The following GRB10 variants were observed in gnomAD, a reference collection of about 807,000 sequenced individuals.
GRB10 encodes growth factor receptor bound protein 10, also known as growth factor receptor-bound protein 10.
GRB10 carries 20 observed loss-of-function variants against 80.9 expected under a neutral mutation model. That is an observed-to-expected ratio of 0.25 (90% CI 0.17 to 0.36). The LOEUF (loss-of-function observed/expected upper bound fraction) is 0.36, where lower values mean the gene tolerates loss of function less well. Among genes scored for constraint, GRB10 ranks in the 10% least tolerant of loss-of-function variants. GRB10 has a pLI of 1.00. For missense variants in GRB10, 548 were observed against 747.7 expected, an observed-to-expected ratio of 0.73 and a Z score of 3.12; for synonymous variants, 291 against 291.5, an observed-to-expected ratio of 1.00 and a Z score of 0.02.
chr7:50,783,722 C>A (rs551792944), upstream of GRB10, among the ~76,000 whole-genome samples: 1 of 152,298 alleles, frequency 6.6e-6, no homozygotes, highest in South Asian at 2.1e-4. Context: ...TTGTAGACAG[C>A]AGTAAGAACC....
At chr7:50,751,264 A>G (rs1254598650) in intron 3 of GRB10, among the ~76,000 whole-genome samples, 1 of 152,206 alleles carries the variant, frequency 6.6e-6, no homozygotes, top group Admixed American at 6.5e-5. Flanking sequence ...AAGGAAGGAC[A>G]CTGCTTTCCT....
chr7:50,618,054 C>T lies in GRB10; in HGVS notation c.846+17G>A. On this transcript the variant is annotated intron_variant, in intron 10 of 18. Transcript: ENST00000401949. The stretch of plus-strand genomic sequence containing the variant: ...TCAGAAAGTCTATTTCAGCAGAGAT[C>T]TATTGTGGCCCAGTACCTGCAAAAG... The T allele has an allele frequency of 3.1e-6, 5 of 1,594,398 alleles. No individual in the cohort carries two copies. The highest frequency in any genetic ancestry group is 4.3e-6 in the Non-Finnish European group (5 of 1,162,008).
At chr7:50,617,551 T>C (rs2050877159) in intron 10 of GRB10, among the ~76,000 whole-genome samples, 1 of 152,190 alleles carries the variant, frequency 6.6e-6, no homozygotes, top group Non-Finnish European at 1.5e-5. Flanking sequence ...AGACCAGGTT[T>C]TCTTAGAACA....
chr7:50,742,606 T>C (rs542645009), intron 3 of GRB10, among the ~76,000 whole-genome samples: 1 of 152,040 alleles, frequency 6.6e-6, no homozygotes, highest in Non-Finnish European at 1.5e-5. Context: ...TGCAAGCCCT[T>C]GCATGATTCT....
intron 2 of GRB10, among the ~76,000 whole-genome samples, chr7:50,774,471 G>T (rs746743607): frequency 6.6e-6 from 1 of 152,172 alleles, no homozygotes; most frequent in Non-Finnish European, 1.5e-5. Context: ...TCTGGTGAGG[G>T]CCTTCTTGCT....
At chr7:50,645,536 A>C in intron 7 of GRB10, 7 of 833,444 alleles carry the variant, frequency 8.4e-6, no homozygotes, top group Non-Finnish European at 1.0e-5. Context: ...TCTGCTGAGC[A>C]CCAGCTCAGA....
chr7:50,638,302 A>G (rs2153603745), intron 7 of GRB10, among the ~76,000 whole-genome samples: 1 of 152,302 alleles, frequency 6.6e-6, no homozygotes. Context: ...TCTGTGCAGT[A>G]AACAGACAAC....
intron 5 of GRB10, among the ~76,000 whole-genome samples, chr7:50,677,280 G>T (rs1215182687): frequency 6.6e-6 from 1 of 152,200 alleles, no homozygotes; most frequent in Non-Finnish European, 1.5e-5. Context: ...TTAATCACAA[G>T]GAAGAACACT....
At chr7:50,632,170 A>AT (rs1438474664) in intron 7 of GRB10, among the ~76,000 whole-genome samples, 1 of 152,226 alleles carries the variant, frequency 6.6e-6, no homozygotes, top group African/African-American at 2.4e-5. Flanking sequence ...TTTTAAATTA[A>AT]TGATATTATT....
chr7:50,694,484 T>A (rs1049253207), intron 5 of GRB10, among the ~76,000 whole-genome samples: 2 of 152,238 alleles, frequency 1.3e-5, no homozygotes, highest in Non-Finnish European at 2.9e-5. Context: ...CAAACTCTCA[T>A]AGAGTGGATC....
intron 7 of GRB10, among the ~76,000 whole-genome samples, chr7:50,655,797 C>T (rs772526465): frequency 3.3e-5 from 5 of 152,360 alleles, no homozygotes; most frequent in Non-Finnish European, 7.4e-5. Flanking sequence ...ACTATCTCAG[C>T]CACCATCCAG....
chr7:50,673,938 C>T (rs761269845), intron 6 of GRB10, among the ~76,000 whole-genome samples: 5 of 152,212 alleles, frequency 3.3e-5, no homozygotes, highest in Non-Finnish European at 7.3e-5. Context: ...GCACGTTCCT[C>T]CCTCCAGCCT....
rs548091484 is a variant in GRB10 at position 50,646,371 on chromosome 7, A to G, written c.505-19393T>C. On this transcript the variant is annotated intron_variant, in intron 7 of 18. Coordinates refer to ENST00000401949, the MANE Select transcript of GRB10 (RefSeq NM_001350814.2). ...GGGGAAATCACAACAATGCACATCAATTTTGTGAAGAGATACACAAGATAC... is the reference window on the plus strand; with the variant it reads ...GGGGAAATCACAACAATGCACATCAGTTTTGTGAAGAGATACACAAGATAC... Among the ~76,000 whole-genome samples, 3 of 152,320 alleles carry G rather than the reference A, an allele frequency of 2.0e-5. No homozygotes were observed. The South Asian group carries it at 6.2e-4, about 32-fold the overall frequency.
At chr7:50,725,359 C>T (rs1162905527) in intron 4 of GRB10, among the ~76,000 whole-genome samples, 1 of 152,216 alleles carries the variant, frequency 6.6e-6, no homozygotes, top group Non-Finnish European at 1.5e-5. Context: ...GGCCTTCCAG[C>T]CATGCTTCCT....
intron 4 of GRB10, among the ~76,000 whole-genome samples, chr7:50,722,807 T>G (rs563913887): frequency 6.6e-6 from 1 of 152,300 alleles, no homozygotes; most frequent in East Asian, 1.9e-4. Flanking sequence ...CCTCAGAAGC[T>G]GCCCTCAATG....
At chr7:50,768,251 T>C (rs1201667374) in intron 2 of GRB10, among the ~76,000 whole-genome samples, 2 of 152,182 alleles carry the variant, frequency 1.3e-5, no homozygotes, top group Non-Finnish European at 1.5e-5. Flanking sequence ...CAACCTGTAA[T>C]TTGGCAAATA....
chr7:50,710,937 TG>T (rs770824882), intron 4 of GRB10: 4 of 1,607,084 alleles, frequency 2.5e-6, no homozygotes, highest in Non-Finnish European at 3.4e-6. Context: ...CTCTCTACAG[TG>T]GGTATCACGT....
chr7:50,757,155 C>T (rs1159491974), intron 2 of GRB10, among the ~76,000 whole-genome samples: 2 of 152,162 alleles, frequency 1.3e-5, no homozygotes, highest in African/African-American at 2.4e-5. Context: ...GCTAAAAATC[C>T]AGGCACCAGA....
chr7:50,773,705 A>G (rs1051323068), intron 2 of GRB10, among the ~76,000 whole-genome samples: 2 of 152,182 alleles, frequency 1.3e-5, no homozygotes, highest in Non-Finnish European at 2.9e-5. Context: ...ACATATATAC[A>G]AAAACATGGA....
Sources: allele counts gnomAD v4.1 joint callset (sites outside exome capture counted in the v4.1 genomes callset), GRCh38; gene constraint gnomAD v4.1.1; transcripts MANE v1.5; gene names NCBI Gene and HGNC (gene_info 2026-07-23, HGNC 2026-07-21).